STK39: variants seen among roughly 807,000 people sequenced by gnomAD.
The protein encoded by STK39 is serine/threonine kinase 39, also known as STE20/SPS1-related proline-alanine-rich protein kinase.
In STK39, 20 loss-of-function variants were observed where a neutral mutation model predicts 77.8. The ratio of observed to expected loss-of-function variants is 0.26; its 90% CI spans 0.18 to 0.37. The LOEUF (loss-of-function observed/expected upper bound fraction) is 0.37. STK39 is among the 10% of genes least tolerant of loss of function. The probability of loss-of-function intolerance (pLI) is 1.00; values close to 1 mark genes in which losing one functional copy is unlikely to be tolerated. For missense variants in STK39, 479 were observed against 656.5 expected (o/e 0.73, Z 2.95); for synonymous variants, 246 against 234.1 (o/e 1.05, Z -0.47).
chr2:168,086,907 T>C (rs1169153798), intron 10 of STK39, among the ~76,000 whole-genome samples: 2 of 152,192 alleles, frequency 1.3e-5, no homozygotes, highest in East Asian at 1.9e-4. Flanking sequence ...AAACCTCCAA[T>C]ATGGCATTTC....
chr2:168,094,231 T>C (rs1686602740), intron 10 of STK39, among the ~76,000 whole-genome samples: 1 of 152,214 alleles, frequency 6.6e-6, no homozygotes, highest in South Asian at 2.1e-4. Context: ...CCAACTTTCA[T>C]TCTTCTCTTG....
At chr2:168,102,567 C>G (rs1349135420) in intron 10 of STK39, among the ~76,000 whole-genome samples, 2 of 152,172 alleles carry the variant, frequency 1.3e-5, no homozygotes, top group Non-Finnish European at 2.9e-5. Flanking sequence ...TCTGAGAAGG[C>G]TGTACAAGCC....
At chr2:168,207,596 T>G (rs1249379000) in intron 1 of STK39, among the ~76,000 whole-genome samples, 1 of 152,204 alleles carries the variant, frequency 6.6e-6, no homozygotes, top group Non-Finnish European at 1.5e-5. Context: ...CTGAGTTCCA[T>G]GGAGTAAATC....
At chr2:167,956,318 G>C (rs953694633) in intron 17 of STK39, among the ~76,000 whole-genome samples, 7 of 152,294 alleles carry the variant, frequency 4.6e-5, no homozygotes, top group Admixed American at 6.5e-5. Context: ...CAGCACTTTG[G>C]GGGGCCGAGG....
chr2:168,102,667 C>T (rs141624388), intron 10 of STK39, among the ~76,000 whole-genome samples: 2,094 of 152,142 alleles, frequency 0.014, 46 homozygotes, highest in African/African-American at 0.048. Flanking sequence ...CGGTGGCTCA[C>T]GCCTGTAATC....
intron 8 of STK39, among the ~76,000 whole-genome samples, chr2:168,130,480 A>T (rs6749549): frequency 0.014 from 2,201 of 152,204 alleles, 46 homozygotes; most frequent in East Asian, 0.11. Flanking sequence ...TTACAGCAGC[A>T]CCTCAGAGGC....
At chr2:168,020,291 A>T (rs1017572079) in intron 14 of STK39, among the ~76,000 whole-genome samples, 1 of 152,180 alleles carries the variant, frequency 6.6e-6, no homozygotes, top group Admixed American at 6.5e-5. Context: ...AATGAAAACA[A>T]TTCAGTGAAA....
intron 16 of STK39, among the ~76,000 whole-genome samples, chr2:168,010,368 T>A (rs1257699937): frequency 6.8e-6 from 1 of 146,614 alleles, no homozygotes; most frequent in African/African-American, 2.8e-5. Context: ...TTCATCTTCA[T>A]CAAGGAATTG....
At chr2:168,103,070 T>C (rs1184531534) in intron 10 of STK39, among the ~76,000 whole-genome samples, 2 of 152,060 alleles carry the variant, frequency 1.3e-5, no homozygotes, top group Non-Finnish European at 2.9e-5. Flanking sequence ...CCTGTCACAC[T>C]GGCTCAGGGT....
rs188592822 is a variant in STK39, at chr2:168,238,651, A to G, written c.208+8577T>C. ...TGGCAAGTGAGAAGAAATGTGAAAC[A>G]TATCATTTACTCACATCGGATTCCA... is the stretch of plus-strand genomic sequence containing the variant. On this transcript the variant is annotated intron_variant, in intron 1 of 17. Transcript: ENST00000355999. Among the ~76,000 whole-genome samples, 19 of 152,354 alleles carry G rather than the reference A, an allele frequency of 1.2e-4. 1 individual carries two copies. Among genetic ancestry groups the G allele is most frequent in the South Asian group, 8.3e-4 (4 of 4,828 alleles).
intron 16 of STK39, among the ~76,000 whole-genome samples, chr2:167,992,791 T>C (rs1683734392): frequency 6.6e-6 from 1 of 152,008 alleles, no homozygotes; most frequent in Admixed American, 6.6e-5. Context: ...GTTAAGAAAA[T>C]GGAACAAAAC....
At chr2:168,026,811 C>G (rs115646585) in intron 14 of STK39, among the ~76,000 whole-genome samples, 4 of 152,256 alleles carry the variant, frequency 2.6e-5, no homozygotes, top group African/African-American at 7.2e-5. Context: ...CAATATGACA[C>G]AATGTTACCA....
chr2:168,143,021 C>T (rs1688036096), intron 5 of STK39, among the ~76,000 whole-genome samples: 1 of 152,160 alleles, frequency 6.6e-6, no homozygotes, highest in African/African-American at 2.4e-5. Flanking sequence ...TCCTTGTTTC[C>T]TAAGGGGTAC....
At chr2:168,008,314 G>T (rs372312950) in intron 16 of STK39, among the ~76,000 whole-genome samples, 17 of 152,150 alleles carry the variant, frequency 1.1e-4, no homozygotes, top group African/African-American at 4.1e-4. Flanking sequence ...GTGAGCAAAG[G>T]CAGGATCCTG....
At chr2:167,968,668 T>C (rs547404262) in intron 16 of STK39, among the ~76,000 whole-genome samples, 1 of 152,272 alleles carries the variant, frequency 6.6e-6, no homozygotes, top group Admixed American at 6.5e-5. Context: ...TATTGTTTTA[T>C]CCAAAGAGAC....
intron 1 of STK39, among the ~76,000 whole-genome samples, chr2:168,200,125 G>T (rs879671950): frequency 6.6e-6 from 1 of 152,080 alleles, no homozygotes; most frequent in Non-Finnish European, 1.5e-5. Flanking sequence ...TCTCTCTCTT[G>T]AACATTAAAG....
intron 1 of STK39, among the ~76,000 whole-genome samples, chr2:168,240,080 A>AGAT (rs1690721392): frequency 6.6e-6 from 1 of 152,252 alleles, no homozygotes; most frequent in Non-Finnish European, 1.5e-5. Flanking sequence ...TTTGCTACAT[A>AGAT]GATGAAAAAT....
At chr2:168,001,754 C>T (rs537337211) in intron 16 of STK39, among the ~76,000 whole-genome samples, 2 of 152,256 alleles carry the variant, frequency 1.3e-5, no homozygotes, top group Admixed American at 6.5e-5. Context: ...AGTAAAAAAA[C>T]AGCAGAGAGA....
intron 1 of STK39, among the ~76,000 whole-genome samples, chr2:168,189,296 C>G (rs1689280856): frequency 6.6e-6 from 1 of 151,618 alleles, no homozygotes; most frequent in South Asian, 2.1e-4. Flanking sequence ...CTGATAATAC[C>G]ACAGAAAAAT....
Sources: gnomAD v4.1 joint callset for allele counts (sites outside exome capture counted in the v4.1 genomes callset) on GRCh38, gnomAD v4.1.1 for gene constraint, MANE v1.5 for transcripts, NCBI Gene and HGNC (gene_info 2026-07-23, HGNC 2026-07-21) for gene names.